ZFHX3: variants seen among roughly 807,000 people sequenced by gnomAD.
ZFHX3 encodes the protein zinc finger homeobox protein 3.
ZFHX3 carries 42 observed loss-of-function variants against 279.1 expected under a neutral mutation model. The observed-to-expected ratio is 0.15, with a 90% CI of 0.12 to 0.19. ZFHX3 has a LOEUF of 0.19. ZFHX3 is among the 10% of genes least tolerant of loss of function. The pLI, the probability that ZFHX3 is intolerant of heterozygous loss-of-function variation, is 1.00. For missense variants in ZFHX3, 4,981 were observed against 4,754.0 expected (o/e 1.05, Z -1.40); for synonymous variants, 2,293 against 1,957.8 (o/e 1.17, Z -4.52).
chr16:73,706,494 C>T (rs2053306354), intron 1 of ZFHX3, among the ~76,000 whole-genome samples: 1 of 150,886 alleles, frequency 6.6e-6, no homozygotes, highest in African/African-American at 2.4e-5. Flanking sequence ...CATTTCTGAT[C>T]ATTTCTGGAA....
Position 72,793,763 on chromosome 16 carries a change from C to T in ZFHX3, c.8919G>A (p.Met2973Ile), listed in dbSNP as rs1411487414. ...CATTGCCCAGGACCTCACATTCTAG[C>T]ATAGTGGGTGTCCTGTAGTCATTAA... ...SCFNDYRTPT[M>I]LECEVLGNDI... Residue 2973 changes from methionine (M) to isoleucine (I), a missense_variant, in exon 9 of 10, where the codon ATG becomes ATA. Physicochemically the swap from Met to Ile is conservative, Grantham distance 10 (BLOSUM62 1). Coordinates refer to ENST00000268489, the MANE Select transcript of ZFHX3 (RefSeq NM_006885.4). This position sits in a 1 kb window ranked among gnomAD's most constrained non-coding sequence, Gnocchi z 4.3. 6.2e-7 allele frequency: 1 copy of T among 1,614,202 alleles called. No homozygotes were observed. Among genetic ancestry groups the T allele is most frequent in the Non-Finnish European group, 8.5e-7 (1 of 1,180,042 alleles).
chr16:73,364,615 C>T (rs1251903740), intron 3 of ZFHX3, among the ~76,000 whole-genome samples: 1 of 152,106 alleles, frequency 6.6e-6, no homozygotes, highest in Non-Finnish European at 1.5e-5. Flanking sequence ...CCAGGCACAG[C>T]AAGTGGCTTG....
At chr16:73,737,120 G>A (rs1343985515) in intron 1 of ZFHX3, among the ~76,000 whole-genome samples, 1 of 152,056 alleles carries the variant, frequency 6.6e-6, no homozygotes. Context: ...TGTAGCCTCA[G>A]TCTCTTGGGC....
intron 9 of ZFHX3, among the ~76,000 whole-genome samples, chr16:72,792,387 CAG>C (rs1227178538): frequency 6.6e-6 from 1 of 152,228 alleles, no homozygotes; most frequent in Non-Finnish European, 1.5e-5. Flanking sequence ...TTGTTAAAAA[CAG>C]CCACTATTGT....
At chr16:73,527,205 A>C (rs1048022516) in intron 2 of ZFHX3, among the ~76,000 whole-genome samples, 5 of 152,166 alleles carry the variant, frequency 3.3e-5, no homozygotes, top group Non-Finnish European at 7.4e-5. Flanking sequence ...GAAATCCATC[A>C]ACGTCTATTC....
At chr16:73,555,456 C>T (rs1444851954) in intron 2 of ZFHX3, among the ~76,000 whole-genome samples, 1 of 151,790 alleles carries the variant, frequency 6.6e-6, no homozygotes, top group Non-Finnish European at 1.5e-5. Context: ...GCCCGGCCGC[C>T]ATGTTTGTAT....
At chr16:73,705,020 A>G (rs888853126) in intron 1 of ZFHX3, among the ~76,000 whole-genome samples, 2 of 152,220 alleles carry the variant, frequency 1.3e-5, no homozygotes, top group Non-Finnish European at 1.5e-5. Flanking sequence ...ACATAACATC[A>G]TTGAGTATGG....
At chr16:73,492,040 A>G (rs1232139657) in intron 2 of ZFHX3, among the ~76,000 whole-genome samples, 1 of 152,166 alleles carries the variant, frequency 6.6e-6, no homozygotes, top group African/African-American at 2.4e-5. Flanking sequence ...CCCTTCATTG[A>G]TGGTTCCAAA....
intron 6 of ZFHX3, among the ~76,000 whole-genome samples, chr16:73,132,522 T>C (rs192788308): frequency 2.0e-5 from 3 of 152,204 alleles, no homozygotes; most frequent in Middle Eastern, 3.4e-3. Flanking sequence ...TCCTAGCAAT[T>C]TGGGGCCAGC....
At chr16:73,406,447 G>T (rs2017362104) in intron 3 of ZFHX3, among the ~76,000 whole-genome samples, 1 of 152,168 alleles carries the variant, frequency 6.6e-6, no homozygotes, top group Non-Finnish European at 1.5e-5. Context: ...CACCTTTAGG[G>T]CCTGCTTCTG....
intron 1 of ZFHX3, among the ~76,000 whole-genome samples, chr16:73,685,348 C>T (rs2053071768): frequency 1.3e-5 from 2 of 152,132 alleles, no homozygotes; most frequent in South Asian, 4.1e-4. Flanking sequence ...AAGAGGGAGG[C>T]AGAAGAGGGA....
At chr16:73,706,069 C>G (rs982391485) in intron 1 of ZFHX3, among the ~76,000 whole-genome samples, 1 of 152,146 alleles carries the variant, frequency 6.6e-6, no homozygotes, top group Non-Finnish European at 1.5e-5. Flanking sequence ...CTTTGGGAAG[C>G]TGAGGTGGGA....
intron 5 of ZFHX3, among the ~76,000 whole-genome samples, chr16:73,219,620 G>T (rs961097050): frequency 6.6e-6 from 1 of 152,154 alleles, no homozygotes; most frequent in Non-Finnish European, 1.5e-5. Context: ...TTGACAAATG[G>T]TTCTCTGATA....
At chr16:73,262,498 C>A (rs895586640) in intron 4 of ZFHX3, among the ~76,000 whole-genome samples, 3 of 152,122 alleles carry the variant, frequency 2.0e-5, no homozygotes, top group Non-Finnish European at 4.4e-5. Context: ...GCCTCAGTTT[C>A]CTCTAGAGCT....
intron 3 of ZFHX3, among the ~76,000 whole-genome samples, chr16:72,941,108 C>A (rs983654367): frequency 2.0e-5 from 3 of 152,154 alleles, no homozygotes; most frequent in Non-Finnish European, 4.4e-5. Flanking sequence ...TGCTGGTGAC[C>A]GAACCAGGCC....
chr16:73,796,940 G>T (rs764698563), intron 1 of ZFHX3, among the ~76,000 whole-genome samples: 4 of 152,094 alleles, frequency 2.6e-5, no homozygotes, highest in African/African-American at 9.7e-5. Flanking sequence ...AGTGGCTCAC[G>T]CCTGTAATCC....
intron 8 of ZFHX3, chr16:73,092,959 T>G (rs7189194): frequency 0.99 from 515,320 of 520,108 alleles, 255,306 homozygotes; most frequent in East Asian, 1. Flanking sequence ...TATCCCTTCG[T>G]TTATGCTCTG....
At chr16:73,279,105 C>T (rs79891541) in intron 4 of ZFHX3, among the ~76,000 whole-genome samples, 2,031 of 152,260 alleles carry the variant, frequency 0.013, 34 homozygotes, top group African/African-American at 0.046. Context: ...AATTACAATG[C>T]TAATCATCTT....
intron 4 of ZFHX3, among the ~76,000 whole-genome samples, chr16:72,863,626 G>A (rs560333601): frequency 1.3e-5 from 2 of 152,286 alleles, no homozygotes; most frequent in Non-Finnish European, 2.9e-5. Context: ...CAGGGAGTGA[G>A]GGGTAGTGTA....
Sources: allele counts gnomAD v4.1 joint callset (sites outside exome capture counted in the v4.1 genomes callset), GRCh38; gene constraint gnomAD v4.1.1; non-coding constraint Gnocchi (gnomAD v3.1); transcripts MANE v1.5; gene names NCBI Gene and HGNC (gene_info 2026-07-23, HGNC 2026-07-21).